The following TMEM106B variants were observed in gnomAD, a reference collection of about 807,000 sequenced individuals.
The protein encoded by TMEM106B is transmembrane protein 106B.
A neutral mutation model predicts 31.1 loss-of-function variants in TMEM106B; 15 were observed. That is an observed-to-expected ratio of 0.48 (90% CI 0.32 to 0.74). The LOEUF (loss-of-function observed/expected upper bound fraction) is 0.74. Among genes scored for constraint, TMEM106B ranks in the 30% least tolerant of loss-of-function variants. TMEM106B has a pLI of 0.03. For synonymous variants in TMEM106B, 126 were observed against 112.5 expected, an observed-to-expected ratio of 1.12 and a Z score of -0.76; for missense variants, 283 against 327.3, an observed-to-expected ratio of 0.86 and a Z score of 1.04.
At chr7:12,222,066 G>C (rs888769921) in intron 3 of TMEM106B, among the ~76,000 whole-genome samples, 1 of 152,066 alleles carries the variant, frequency 6.6e-6, no homozygotes, top group Non-Finnish European at 1.5e-5. Context: ...TTTATCAATT[G>C]CTTTTGTCTG....
At position 12,235,486 on chromosome 7, in the gene TMEM106B, A is replaced by C. The variant is rs1042081069; in HGVS notation, c.*3511A>C. 1.3e-5 allele frequency: 2 copies of C among 151,884 alleles called. No homozygotes were observed. Among genetic ancestry groups the C allele is most frequent in the African/African-American group, 2.4e-5 (1 of 41,408 alleles). 9.4% of individuals were successfully genotyped at this position (151,884 alleles called of 1,614,324 possible). A position where few individuals can be genotyped will look rare whatever the true frequency, so the allele number is the denominator to read the frequency against. ...TAACACACTTCAGATTGTCTGATTTACAGTTTGGAAAGGACACCGCAATGT... is the reference window on the plus strand; with the variant it reads ...TAACACACTTCAGATTGTCTGATTTCCAGTTTGGAAAGGACACCGCAATGT... On this transcript the variant is annotated 3_prime_UTR_variant, in exon 8 of 8. Coordinates refer to ENST00000396668, the MANE Select transcript of TMEM106B (RefSeq NM_001134232.2).
rs932275642 is a variant in TMEM106B at position 12,236,899 on chromosome 7, C to G, written c.*4924C>G. On this transcript the variant is annotated 3_prime_UTR_variant, in exon 8 of 8. Coordinates refer to ENST00000396668, the MANE Select transcript of TMEM106B (RefSeq NM_001134232.2). The stretch of plus-strand genomic sequence containing the variant: ...AGATTTTGGAAAATGATTTGACGTG[C>G]TTGCTCACTTGATTGACTTGGTCAG... 2 of 151,948 alleles carry G rather than the reference C, an allele frequency of 1.3e-5. No individual in the cohort carries two copies. Among genetic ancestry groups the G allele is most frequent in the East Asian group, 3.8e-4 (2 of 5,196 alleles). 9.4% of individuals were successfully genotyped at this position (151,948 alleles called of 1,614,324 possible). A position where few individuals can be genotyped will look rare whatever the true frequency, so the allele number is the denominator to read the frequency against.
intron 5 of TMEM106B, 147 bp from the exon 6 acceptor site, chr7:12,230,240 ATG>A (rs1781993194): frequency 1.4e-6 from 1 of 694,468 alleles, no homozygotes; most frequent in Admixed American, 2.5e-5. Flanking sequence ...AGAAAAAGAA[ATG>A]TGTCTTATAC....
chr7:12,222,506 G>A (rs1000199808), intron 3 of TMEM106B, among the ~76,000 whole-genome samples: 12 of 152,054 alleles, frequency 7.9e-5, no homozygotes, highest in Admixed American at 2.6e-4. Flanking sequence ...GGATTCACCC[G>A]CCCATAAGTA....
At position 12,234,322 on chromosome 7, in the gene TMEM106B, T is replaced by C. The variant is rs1270428296; in HGVS notation, c.*2347T>C. On this transcript the variant is annotated 3_prime_UTR_variant, in exon 8 of 8. Transcript: ENST00000396668. ...TTTTCTTCATCTTTTGAATTAATTT[T>C]TTTTATTATATCTACTTTTAGTGGA... 2 of 151,872 alleles carry C rather than the reference T, an allele frequency of 1.3e-5. No homozygotes were observed. The highest frequency in any genetic ancestry group is 2.1e-4 in the South Asian group (1 of 4,832). The allele number at this position is 151,872 out of a possible 1,614,324, so 9.4% of individuals were successfully genotyped here.
intron 2 of TMEM106B, among the ~76,000 whole-genome samples, chr7:12,217,901 C>T (rs7785189): frequency 0.5 from 76,452 of 151,876 alleles, 20,165 homozygotes; most frequent in African/African-American, 0.65. Flanking sequence ...AAAGAAATCA[C>T]GGATTTTGAA....
chr7:12,215,018 AT>A lies in TMEM106B; in HGVS notation c.210del (p.Pro71LeufsTer11), dbSNP rs1402199070. 1 of 1,613,424 alleles carries A rather than the reference AT, an allele frequency of 6.2e-7. No individual in the cohort carries two copies. The highest frequency in any genetic ancestry group is 8.5e-7 in the Non-Finnish European group (1 of 1,179,524). The stretch of plus-strand genomic sequence containing the variant: ...CCCTACTTGTCAGGGAACAGGAAGA[AT>A]TCCTAGGGGTATGTGTTATTGTATT... Reference protein sequence around the residue: ...TCPTCQGTGRIPRGQENQLVA... With the variant: ...TCPTCQGTGRXPRGQENQLVA... On this transcript the variant is annotated frameshift_variant, in exon 2 of 8. Transcript: ENST00000396668. LOFTEE classifies it high-confidence loss of function.
intron 3 of TMEM106B, among the ~76,000 whole-genome samples, chr7:12,220,931 A>C (rs1222064258): frequency 1.3e-5 from 2 of 152,190 alleles, no homozygotes; most frequent in African/African-American, 2.4e-5. Flanking sequence ...ACAGTGTGAT[A>C]TTGACAATAT....
chr7:12,229,692 T>A lies in TMEM106B; in HGVS notation c.455T>A (p.Ile152Lys). 1 of 1,599,340 alleles carries A rather than the reference T, an allele frequency of 6.3e-7. No homozygotes were observed. Among genetic ancestry groups the A allele is most frequent in the Non-Finnish European group, 8.5e-7 (1 of 1,175,500 alleles). ...IYLNITNTLNITNNNYYSVEV... is the reference protein window; with the variant it reads ...IYLNITNTLNKTNNNYYSVEV... ...CTTTTTTTGTAGAACACACTAAATA[T>A]AACAAACAATAACTATTACTCTGTC... The change falls in exon 5 of 8, where the codon ATA becomes AAA. Residue 152 changes from isoleucine (I) to lysine (K), a missense_variant. Physicochemically the swap from Ile to Lys is moderately radical, Grantham distance 102. Around this residue, in one of 3 missense-constraint regions of TMEM106B, gnomAD observed 201 missense variants for 211.5 expected, o/e 0.95. Coordinates refer to ENST00000396668, the MANE Select transcript of TMEM106B (RefSeq NM_001134232.2).
In TMEM106B at chr7:12,239,841, A is replaced by G. The variant is rs893214423; in HGVS notation, c.*7866A>G. ...ATCACTGATTACAGATCATTAAAAT[A>G]GGTTTAATAATAATGGAAACATTTG... On this transcript the variant is annotated 3_prime_UTR_variant, in exon 8 of 8. Transcript: ENST00000396668. 6.6e-5 allele frequency: 10 copies of G among 152,170 alleles called. No individual in the cohort carries two copies. The highest frequency in any genetic ancestry group is 2.4e-4 in the African/African-American group (10 of 41,442). 9.4% of individuals were successfully genotyped at this position (152,170 alleles called of 1,614,324 possible).
intron 2 of TMEM106B, 28 bp from the exon 3 acceptor site, chr7:12,218,430 T>C: frequency 6.3e-7 from 1 of 1,590,520 alleles, no homozygotes; most frequent in Non-Finnish European, 8.6e-7. Flanking sequence ...ATCATAGTAA[T>C]TTCTGAACTT....
intron 3 of TMEM106B, among the ~76,000 whole-genome samples, chr7:12,223,989 G>C (rs1781843963): frequency 6.6e-6 from 1 of 152,078 alleles, no homozygotes; most frequent in African/African-American, 2.4e-5. Context: ...AAAGTGCTGG[G>C]ATTACAGGCG....
At chr7:12,222,907 G>A (rs1781815849) in intron 3 of TMEM106B, among the ~76,000 whole-genome samples, 1 of 152,152 alleles carries the variant, frequency 6.6e-6, no homozygotes, top group Non-Finnish European at 1.5e-5. Flanking sequence ...TACATACAAA[G>A]ATTAAATCCA....
intron 4 of TMEM106B, 35 bp from the exon 5 acceptor site, chr7:12,229,644 C>A: frequency 6.9e-7 from 1 of 1,456,052 alleles, no homozygotes; most frequent in Non-Finnish European, 9.2e-7. Flanking sequence ...ATATTTTTAG[C>A]TAACTTGTAA....
In TMEM106B at chr7:12,218,518, G is replaced by A. The variant is rs1312800509; in HGVS notation, c.278G>A (p.Arg93Lys). 1.2e-6 allele frequency: 2 copies of A among 1,608,882 alleles called. No homozygotes were observed. The highest frequency in any genetic ancestry group is 1.7e-6 in the Non-Finnish European group (2 of 1,177,454). Residue 93 changes from arginine to lysine, a missense_variant, in exon 3 of 8, where the codon AGA becomes AAA. Transcript: ENST00000396668. ...PYSDQRLRPR[R>K]TKLYVMASVF... ...AGTGATCAGAGATTAAGGCCAAGAAGAACGTAAGTGATTCTAAGAATATGG... is the reference window on the plus strand; with the variant it reads ...AGTGATCAGAGATTAAGGCCAAGAAAAACGTAAGTGATTCTAAGAATATGG...
At position 12,242,379 on chromosome 7, in the gene TMEM106B, C is replaced by CAAAAAAAAAAAAAAAAAA. The variant is rs1169765784; in HGVS notation, c.*10415_*10432dup. 1.7e-4 allele frequency: 2 copies of CAAAAAAAAAAAAAAAAAA among 11,662 alleles called. No individual in the cohort carries two copies. Among genetic ancestry groups the CAAAAAAAAAAAAAAAAAA allele is most frequent in the African/African-American group, 9.0e-4 (1 of 1,116 alleles). 0.7% of individuals were successfully genotyped at this position (11,662 alleles called of 1,614,324 possible). On this transcript the variant is annotated 3_prime_UTR_variant, in exon 8 of 8. Transcript: ENST00000396668. Reference sequence around the variant, plus strand: ...TGGGCGACAGAGCGAGACTCCGTCTCAAAAAAAAAAAAAAAAAAAAAAAAA... The same window carrying CAAAAAAAAAAAAAAAAAA: ...TGGGCGACAGAGCGAGACTCCGTCTCAAAAAAAAAAAAAAAAAAAAAAAAAAAAAAAAAAAAAAAAAAA...
At position 12,233,247 on chromosome 7, in the gene TMEM106B, T is replaced by C. The variant is rs1485418005; in HGVS notation, c.*1272T>C. 15 of 151,406 alleles carry C rather than the reference T, an allele frequency of 9.9e-5. No homozygotes were observed. Among genetic ancestry groups the C allele is most frequent in the South Asian group, 8.3e-4 (4 of 4,820 alleles). 9.4% of individuals were successfully genotyped at this position (151,406 alleles called of 1,614,324 possible). The stretch of plus-strand genomic sequence containing the variant: ...AGTATCATTTTTCATTTTTTTTTTT[T>C]TTTGTCTTTTCACTTACCAAGTTCT... On this transcript the variant is annotated 3_prime_UTR_variant, in exon 8 of 8. Transcript: ENST00000396668.
Position 12,240,648 on chromosome 7 carries a change from A to G in TMEM106B, c.*8673A>G, listed in dbSNP as rs1782224449. ...CTAGCCAGTTTCTCAAGGGAGAAGAATCATTAATAAGTTTGTGAGGCTTTT... is the reference window on the plus strand; with the variant it reads ...CTAGCCAGTTTCTCAAGGGAGAAGAGTCATTAATAAGTTTGTGAGGCTTTT... On this transcript the variant is annotated 3_prime_UTR_variant, in exon 8 of 8. Transcript: ENST00000396668. 1 of 151,712 alleles carries G rather than the reference A, an allele frequency of 6.6e-6. No individual in the cohort carries two copies. The highest frequency in any genetic ancestry group is 2.4e-5 in the African/African-American group (1 of 41,340). The allele number at this position is 151,712 out of a possible 1,614,324, so 9.4% of individuals were successfully genotyped here.
At position 12,225,122 on chromosome 7, in the gene TMEM106B, G is replaced by A. The variant is rs548921304; in HGVS notation, c.441+737G>A. 4.6e-5 allele frequency among the ~76,000 whole-genome samples: 7 copies of A among 152,104 alleles called. 1 individual carries two copies. In the South Asian group the frequency reaches 1.5e-3, roughly 32 times the overall value. ...TATGAGTGAGAACACGTGGTGTTTGGTTTTCTGTCCTTGTGATAGTTTGCT... is the reference window on the plus strand; with the variant it reads ...TATGAGTGAGAACACGTGGTGTTTGATTTTCTGTCCTTGTGATAGTTTGCT... On this transcript the variant is annotated intron_variant, in intron 4 of 7. Coordinates refer to ENST00000396668, the MANE Select transcript of TMEM106B (RefSeq NM_001134232.2).
Sources: allele counts gnomAD v4.1 joint callset (sites outside exome capture counted in the v4.1 genomes callset), GRCh38; gene constraint gnomAD v4.1.1; regional missense constraint gnomAD v4.1.1; transcripts MANE v1.5; gene names NCBI Gene and HGNC (gene_info 2026-07-23, HGNC 2026-07-21).